The following TENM3 variants were observed in gnomAD, a reference collection of about 807,000 sequenced individuals.
TENM3 encodes teneurin transmembrane protein 3.
A neutral mutation model predicts 255.1 loss-of-function variants in TENM3; 63 were observed. The observed-to-expected ratio is 0.25, with a 90% CI of 0.20 to 0.30. The LOEUF (loss-of-function observed/expected upper bound fraction) is 0.30. Among genes scored for constraint, TENM3 ranks in the 10% least tolerant of loss-of-function variants. The probability of loss-of-function intolerance (pLI) is 1.00; values close to 1 mark genes in which losing one functional copy is unlikely to be tolerated. For synonymous variants in TENM3, 1,306 were observed against 1,322.3 expected, an observed-to-expected ratio of 0.99 and a Z score of 0.27; for missense variants, 2,929 against 3,461.1, an observed-to-expected ratio of 0.85 and a Z score of 3.86.
At chr4:181,770,557 C>T in the TENM3 span, among the ~76,000 whole-genome samples, 1 of 150,444 alleles carries the variant, frequency 6.6e-6, no homozygotes, top group Non-Finnish European at 1.5e-5. Context: ...TGCCTGTAGT[C>T]CCAGCTACTT....
chr4:182,480,994 G>C (rs1026677515), intron 3 of TENM3, among the ~76,000 whole-genome samples: 1 of 151,984 alleles, frequency 6.6e-6, no homozygotes, highest in African/African-American at 2.4e-5. Context: ...TAGTCTATTT[G>C]AAGAGTCGTT....
intron 1 of TENM3, among the ~76,000 whole-genome samples, chr4:182,195,492 T>C (rs750447021): frequency 3.3e-5 from 5 of 151,908 alleles, no homozygotes; most frequent in Non-Finnish European, 5.9e-5. Flanking sequence ...TAGAAAAAAT[T>C]AGCTGAGCAT....
intron 3 of TENM3, among the ~76,000 whole-genome samples, chr4:182,449,332 C>T (rs1580584922): frequency 6.6e-6 from 1 of 152,168 alleles, no homozygotes; most frequent in Non-Finnish European, 1.5e-5. Flanking sequence ...GGCTTTTTAA[C>T]CCCTGAGGGA....
chr4:181,778,446 G>A, the TENM3 span, among the ~76,000 whole-genome samples: 1 of 152,094 alleles, frequency 6.6e-6, no homozygotes, highest in Non-Finnish European at 1.5e-5. Context: ...CAGAGATGAA[G>A]AACGGGAAAA....
At chr4:182,338,785 A>G (rs1290861505) in intron 2 of TENM3, among the ~76,000 whole-genome samples, 2 of 151,630 alleles carry the variant, frequency 1.3e-5, no homozygotes, top group Admixed American at 1.3e-4. Flanking sequence ...ATTTATTTGT[A>G]TTTTTTTTGC....
the TENM3 span, among the ~76,000 whole-genome samples, chr4:182,092,079 C>T: frequency 3.3e-5 from 5 of 152,184 alleles, no homozygotes; most frequent in South Asian, 1.0e-3. Context: ...GTGGGCCACA[C>T]CTGTAATCCC....
At chr4:181,531,670 A>G in the TENM3 span, among the ~76,000 whole-genome samples, 1 of 152,226 alleles carries the variant, frequency 6.6e-6, no homozygotes, top group South Asian at 2.1e-4. Flanking sequence ...AAGACATTAA[A>G]CAAATAATTA....
chr4:181,851,374 A>G, the TENM3 span, among the ~76,000 whole-genome samples: 3 of 152,174 alleles, frequency 2.0e-5, no homozygotes, highest in Non-Finnish European at 4.4e-5. Context: ...ATAGAAATAC[A>G]CCACAACCCT....
At chr4:181,570,351 C>A in the TENM3 span, among the ~76,000 whole-genome samples, 3 of 152,114 alleles carry the variant, frequency 2.0e-5, no homozygotes, top group Admixed American at 2.0e-4. Context: ...TCTTAAAAAA[C>A]GTATCCAGGC....
At chr4:182,377,829 G>A (rs1385623010) in intron 3 of TENM3, among the ~76,000 whole-genome samples, 1 of 152,128 alleles carries the variant, frequency 6.6e-6, no homozygotes, top group African/African-American at 2.4e-5. Context: ...AGACTCTGTG[G>A]GTACTCTCTT....
intron 27 of TENM3, 121 bp downstream of exon 27, chr4:182,796,888 T>C (rs1766531300): frequency 2.7e-6 from 2 of 739,024 alleles, no homozygotes; most frequent in Non-Finnish European, 4.0e-6. Context: ...TTGACTGTTT[T>C]AGGGAAAAAA....
chr4:181,841,437 T>C, the TENM3 span, among the ~76,000 whole-genome samples: 2 of 151,734 alleles, frequency 1.3e-5, no homozygotes, highest in East Asian at 1.9e-4. Context: ...GAATCTCTCA[T>C]AGTAATGCCT....
the TENM3 span, among the ~76,000 whole-genome samples, chr4:181,859,849 A>C: frequency 6.6e-6 from 1 of 152,288 alleles, no homozygotes; most frequent in South Asian, 2.1e-4. Flanking sequence ...GAAAAAAAAA[A>C]CACCTGTTGG....
chr4:182,641,214 G>A (rs1049262709), intron 5 of TENM3, among the ~76,000 whole-genome samples: 6 of 152,170 alleles, frequency 3.9e-5, no homozygotes, highest in South Asian at 2.1e-4. Context: ...ACACACACAC[G>A]TATACACACA....
intron 3 of TENM3, among the ~76,000 whole-genome samples, chr4:182,500,606 G>T (rs747172201): frequency 7.7e-5 from 11 of 143,034 alleles, no homozygotes; most frequent in African/African-American, 7.8e-5. Context: ...TTAGGAATTT[G>T]TATTTGAAAT....
chr4:182,291,109 C>A (rs1261798688), intron 1 of TENM3, among the ~76,000 whole-genome samples: 1 of 152,188 alleles, frequency 6.6e-6, no homozygotes, highest in African/African-American at 2.4e-5. Context: ...GTGTGAGCCA[C>A]CATGCCTGGC....
At chr4:182,795,337 A>G (rs1274000198) in intron 26 of TENM3, among the ~76,000 whole-genome samples, 2 of 152,116 alleles carry the variant, frequency 1.3e-5, no homozygotes, top group African/African-American at 2.4e-5. Context: ...GAGTAACAGA[A>G]TTTTTGCCCC....
the TENM3 span, among the ~76,000 whole-genome samples, chr4:181,843,716 CTTTTTTTTTTT>C: frequency 1.9e-5 from 2 of 104,698 alleles, no homozygotes; most frequent in Admixed American, 1.1e-4. Context: ...TAAGGGCCTT[CTTTTTTTTTTT>C]TTTTTTTTTT....
the TENM3 span, among the ~76,000 whole-genome samples, chr4:181,584,616 G>T: frequency 6.6e-6 from 1 of 152,004 alleles, no homozygotes; most frequent in Non-Finnish European, 1.5e-5. Context: ...TTCTTCTACG[G>T]TCCTACCCCT....
Sources: allele counts gnomAD v4.1 joint callset (sites outside exome capture counted in the v4.1 genomes callset), GRCh38; gene constraint gnomAD v4.1.1; transcripts MANE v1.5; gene names NCBI Gene and HGNC (gene_info 2026-07-23, HGNC 2026-07-21).